Variants in CCDC178 observed in about 807,000 individuals in gnomAD.
CCDC178 encodes coiled-coil domain containing 178.
In CCDC178, 126 loss-of-function variants were observed where a neutral mutation model predicts 117.4. The ratio of observed to expected loss-of-function variants is 1.07; its 90% CI spans 0.93 to 1.24. The LOEUF is 1.24. Among genes scored for constraint, CCDC178 ranks in the 50% most tolerant of loss-of-function variants. The pLI is 0.00. For missense variants in CCDC178, 1,030 were observed against 986.9 expected (o/e 1.04, Z -0.59); for synonymous variants, 283 against 313.4 (o/e 0.90, Z 1.02).
chr18:33,282,972 C>T (rs753189013), intron 12 of CCDC178, among the ~76,000 whole-genome samples: 3 of 152,166 alleles, frequency 2.0e-5, no homozygotes. Context: ...ACACCACCTC[C>T]AAGGCAACCA....
At chr18:33,251,595 T>A (rs1256977401) in intron 14 of CCDC178, among the ~76,000 whole-genome samples, 2 of 151,766 alleles carry the variant, frequency 1.3e-5, no homozygotes, top group African/African-American at 4.8e-5. Flanking sequence ...TAGCAGTGTT[T>A]TCACATGGTC....
At position 33,215,543 on chromosome 18, in the gene CCDC178, T is replaced by A; in HGVS notation, c.2078+7A>T. 1.6e-6 allele frequency: 2 copies of A among 1,289,920 alleles called. No individual in the cohort carries two copies. Among genetic ancestry groups the A allele is most frequent in the Non-Finnish European group, 2.1e-6 (2 of 959,210 alleles). 79.9% of individuals were successfully genotyped at this position (1,289,920 alleles called of 1,614,324 possible). On this transcript the variant is annotated splice_region_variant and intron_variant, in intron 19 of 22. Coordinates refer to ENST00000383096, the MANE Select transcript of CCDC178 (RefSeq NM_001105528.4). ...ACTTCATATTTTGATAAAGTTTAAG[T>A]ACTTACTTTAATATTTCAAGTGTCT...
chr18:33,042,569 G>T (rs1322121267), intron 21 of CCDC178, among the ~76,000 whole-genome samples: 1 of 151,878 alleles, frequency 6.6e-6, no homozygotes, highest in Non-Finnish European at 1.5e-5. Context: ...AAAAAGAACA[G>T]CTGTAGAAGA....
chr18:33,225,880 G>C (rs909174835), intron 16 of CCDC178, among the ~76,000 whole-genome samples: 1 of 130,662 alleles, frequency 7.7e-6, no homozygotes, highest in South Asian at 2.4e-4. Context: ...ACACTGTTAG[G>C]GCCGGGCGTG....
intron 21 of CCDC178, 115 bp downstream of exon 21, chr18:33,092,646 G>A: frequency 3.4e-6 from 2 of 586,056 alleles, no homozygotes. Flanking sequence ...AGAGAAAATA[G>A]GCCATGTTGT....
intron 20 of CCDC178, among the ~76,000 whole-genome samples, chr18:33,177,792 T>G (rs2058680689): frequency 6.6e-6 from 1 of 152,276 alleles, no homozygotes; most frequent in East Asian, 1.9e-4. Flanking sequence ...TTATCTCTAG[T>G]ATCTTTTACT....
chr18:33,432,051 A>C (rs2064226697), intron 2 of CCDC178, among the ~76,000 whole-genome samples: 1 of 152,164 alleles, frequency 6.6e-6, no homozygotes. Context: ...CACAGGCATG[A>C]GAGCTCCCAG....
At chr18:33,376,274 G>A (rs557226143) in intron 5 of CCDC178, among the ~76,000 whole-genome samples, 3 of 152,212 alleles carry the variant, frequency 2.0e-5, no homozygotes, top group East Asian at 3.9e-4. Flanking sequence ...GTGTGTTGGG[G>A]GAGGGGCGGG....
intron 20 of CCDC178, among the ~76,000 whole-genome samples, chr18:33,208,245 G>A (rs925331720): frequency 3.9e-5 from 6 of 152,012 alleles, no homozygotes; most frequent in African/African-American, 7.2e-5. Context: ...TAGTCTTTGC[G>A]ACAGGAAGGT....
At position 32,996,517 on chromosome 18, in the gene CCDC178, T is replaced by C. The variant is rs572754318; in HGVS notation, c.2389-21836A>G. 3.3e-4 allele frequency among the ~76,000 whole-genome samples: 50 copies of C among 152,034 alleles called. 2 individuals are homozygous for C. Among genetic ancestry groups the C allele is most frequent in the South Asian group, 1.0e-3 (5 of 4,816 alleles). On this transcript the variant is annotated intron_variant, in intron 21 of 22. Coordinates refer to ENST00000383096, the MANE Select transcript of CCDC178 (RefSeq NM_001105528.4). ...TAAATTATATCCTCAGCTTATATTA[T>C]ACAGTAAATAAAATTTTATTTTATA...
intron 21 of CCDC178, among the ~76,000 whole-genome samples, chr18:33,051,553 A>G (rs2056748435): frequency 6.6e-6 from 1 of 152,224 alleles, no homozygotes; most frequent in Non-Finnish European, 1.5e-5. Context: ...AAGTGCTTCA[A>G]AAGCAATAAC....
At chr18:33,328,159 T>G (rs1762314361) in intron 10 of CCDC178, 1 of 284,184 alleles carries the variant, frequency 3.5e-6, no homozygotes, top group Non-Finnish European at 6.3e-6. Context: ...TGGAGTGCAG[T>G]GGCGCGATCT....
At chr18:33,317,567 C>T (rs2062437652) in intron 11 of CCDC178, among the ~76,000 whole-genome samples, 1 of 152,140 alleles carries the variant, frequency 6.6e-6, no homozygotes. Flanking sequence ...GTGGACTCAC[C>T]TTGAATTCTT....
chr18:33,137,993 T>C (rs1173249609), intron 20 of CCDC178, among the ~76,000 whole-genome samples: 1 of 152,198 alleles, frequency 6.6e-6, no homozygotes, highest in Non-Finnish European at 1.5e-5. Flanking sequence ...TTTATGCAAG[T>C]CGCTTAATCT....
At chr18:32,974,997 T>C (rs921859537) in intron 21 of CCDC178, among the ~76,000 whole-genome samples, 3 of 152,114 alleles carry the variant, frequency 2.0e-5, no homozygotes, top group African/African-American at 7.2e-5. Flanking sequence ...CCAGTTTAAC[T>C]CAAAACCGAT....
chr18:33,327,423 CTTTT>C (rs2062599549), intron 10 of CCDC178, among the ~76,000 whole-genome samples: 1 of 151,844 alleles, frequency 6.6e-6, no homozygotes, highest in Non-Finnish European at 1.5e-5. Context: ...TTTTGCTTTT[CTTTT>C]TGTTTTTTTA....
At chr18:33,091,190 C>T (rs557064622) in intron 21 of CCDC178, among the ~76,000 whole-genome samples, 2 of 152,110 alleles carry the variant, frequency 1.3e-5, no homozygotes, top group South Asian at 2.1e-4. Flanking sequence ...ATGTCAAATG[C>T]GTGAAGTGAT....
rs942422368 is a variant in CCDC178, at chr18:33,174,161, G to A, written c.2238+37735C>T. On this transcript the variant is annotated intron_variant, in intron 20 of 22. Coordinates refer to ENST00000383096, the MANE Select transcript of CCDC178 (RefSeq NM_001105528.4). ...GCAGGTACGTCACACGGTGAGAATG[G>A]AGCAACAGAGAGAGAGTCGGCAGGA... 3.9e-5 allele frequency among the ~76,000 whole-genome samples: 6 copies of A among 152,110 alleles called. 1 individual carries two copies. Among genetic ancestry groups the A allele is most frequent in the South Asian group, 4.1e-4 (2 of 4,820 alleles).
Position 33,310,350 on chromosome 18 carries a change from A to G in CCDC178, c.1022+13141T>C, listed in dbSNP as rs561181206. On this transcript the variant is annotated intron_variant, in intron 11 of 22. Transcript: ENST00000383096. ...TATGTCATGATAAAGTTTGTGAAAG[A>G]ACATTTAAAAGATAAATTGTACATG... Among the ~76,000 whole-genome samples the G allele has an allele frequency of 3.3e-5, 5 of 152,330 alleles. No homozygotes were observed. In the South Asian group the frequency reaches 1.0e-3, roughly 32 times the overall value.
Sources: gnomAD v4.1 joint callset for allele counts (sites outside exome capture counted in the v4.1 genomes callset) on GRCh38, gnomAD v4.1.1 for gene constraint, MANE v1.5 for transcripts, NCBI Gene and HGNC (gene_info 2026-07-23, HGNC 2026-07-21) for gene names.